SLC8A1: variants seen among roughly 807,000 people sequenced by gnomAD.
SLC8A1 encodes the protein sodium/calcium exchanger 1.
In SLC8A1, 18 loss-of-function variants were observed where a neutral mutation model predicts 68.3. The ratio of observed to expected loss-of-function variants is 0.26; its 90% CI spans 0.18 to 0.39. The LOEUF (loss-of-function observed/expected upper bound fraction) is 0.39. SLC8A1 is among the 10% of genes least tolerant of loss of function. The pLI is 1.00. For synonymous variants in SLC8A1, 475 were observed against 415.5 expected (o/e 1.14, Z -1.74); for missense variants, 985 against 1,156.7 (o/e 0.85, Z 2.15).
intron 1 of SLC8A1, among the ~76,000 whole-genome samples, chr2:40,493,047 C>T (rs1213885534): frequency 6.6e-6 from 1 of 152,110 alleles, no homozygotes; most frequent in Non-Finnish European, 1.5e-5. Flanking sequence ...CATGAACACT[C>T]ATGTTTATTG....
chr2:40,181,206 C>G (rs539449200), intron 2 of SLC8A1, among the ~76,000 whole-genome samples: 1 of 152,142 alleles, frequency 6.6e-6, no homozygotes, highest in Admixed American at 6.5e-5. Flanking sequence ...GCGATCCACC[C>G]GCCTTGGCCT....
At chr2:40,427,562 T>C (rs1576406558) in intron 2 of SLC8A1, among the ~76,000 whole-genome samples, 1 of 152,132 alleles carries the variant, frequency 6.6e-6, no homozygotes, top group East Asian at 1.9e-4. Flanking sequence ...TGGTTTGCTT[T>C]TGGTGAGTTG....
intron 2 of SLC8A1, among the ~76,000 whole-genome samples, chr2:40,306,309 T>A (rs1370583702): frequency 6.6e-6 from 1 of 152,152 alleles, no homozygotes; most frequent in Non-Finnish European, 1.5e-5. Flanking sequence ...CATAACAAGA[T>A]GGCAAGTTGA....
chr2:40,125,158 G>A (rs1161479551), intron 7 of SLC8A1, among the ~76,000 whole-genome samples: 1 of 152,144 alleles, frequency 6.6e-6, no homozygotes, highest in African/African-American at 2.4e-5. Context: ...GGAGTGAACG[G>A]CTGAATTTCA....
At chr2:40,155,951 C>T (rs941036303) in intron 6 of SLC8A1, among the ~76,000 whole-genome samples, 17 of 152,132 alleles carry the variant, frequency 1.1e-4, no homozygotes, top group Middle Eastern at 3.2e-3. Context: ...CTGGCATTCC[C>T]GAGATCCAAT....
intron 2 of SLC8A1, among the ~76,000 whole-genome samples, chr2:40,355,747 T>G (rs974752231): frequency 3.9e-5 from 6 of 152,108 alleles, no homozygotes; most frequent in Admixed American, 2.6e-4. Context: ...CATTCGAATG[T>G]CAGTATAAAC....
chr2:40,214,020 G>A (rs571976986), intron 2 of SLC8A1, among the ~76,000 whole-genome samples: 28 of 152,280 alleles, frequency 1.8e-4, no homozygotes, highest in African/African-American at 6.5e-4. Context: ...GAAAACCTAA[G>A]TGTGTAGCCA....
chr2:40,499,215 G>A (rs1264186473), intron 1 of SLC8A1, among the ~76,000 whole-genome samples: 3 of 152,028 alleles, frequency 2.0e-5, no homozygotes, highest in Admixed American at 6.6e-5. Context: ...TCTGTGCTGC[G>A]TTTGCTCACA....
exon 8 of SLC8A1, chr2:40,115,535 C>T (rs374472434): frequency 6.2e-7 from 1 of 1,614,068 alleles, no homozygotes; most frequent in African/African-American, 1.3e-5. Flanking sequence ...CACCGATTCC[C>T]AGGAAGACAT....
exon 8 of SLC8A1, chr2:40,115,316 G>T (rs1406767341): frequency 6.2e-7 from 1 of 1,614,022 alleles, no homozygotes; most frequent in Non-Finnish European, 8.5e-7. Context: ...AGAGCCATAG[G>T]AGCACAAAGA....
At chr2:40,329,204 C>T (rs962038724) in intron 2 of SLC8A1, among the ~76,000 whole-genome samples, 1 of 152,046 alleles carries the variant, frequency 6.6e-6, no homozygotes, top group Non-Finnish European at 1.5e-5. Context: ...ATTCTCTGGC[C>T]CATTGAAACC....
intron 3 of SLC8A1, 84 bp from the exon 5 acceptor site, chr2:40,174,926 C>G (rs1290860080): frequency 1.5e-6 from 2 of 1,307,324 alleles, no homozygotes; most frequent in East Asian, 4.6e-5. Context: ...GCCTGACAAC[C>G]CACCCAAGGT....
At chr2:40,512,321 A>C (rs1706794970) in intron 1 of SLC8A1, 2 of 152,312 alleles carry the variant, frequency 1.3e-5, no homozygotes, top group Non-Finnish European at 2.9e-5. Flanking sequence ...CCTTTATAGA[A>C]GTTCCATCAC....
At chr2:40,130,361 C>T (rs139787606) in intron 7 of SLC8A1, among the ~76,000 whole-genome samples, 2 of 152,340 alleles carry the variant, frequency 1.3e-5, no homozygotes, top group East Asian at 3.9e-4. Flanking sequence ...TTGCAGGCTT[C>T]CTTTAACTCT....
chr2:40,137,025 T>A (rs2040630677), intron 7 of SLC8A1, among the ~76,000 whole-genome samples: 1 of 152,102 alleles, frequency 6.6e-6, no homozygotes, highest in Non-Finnish European at 1.5e-5. Context: ...TGTTGTATTT[T>A]CCCCAAACAG....
At chr2:40,157,984 A>T (rs2044888986) in intron 6 of SLC8A1, among the ~76,000 whole-genome samples, 1 of 152,252 alleles carries the variant, frequency 6.6e-6, no homozygotes, top group Non-Finnish European at 1.5e-5. Flanking sequence ...GAAGATTGCC[A>T]CAGGGTTGAC....
intron 7 of SLC8A1, 58 bp downstream of exon 10, chr2:40,139,343 T>C: frequency 6.3e-7 from 1 of 1,581,488 alleles, no homozygotes; most frequent in Non-Finnish European, 8.6e-7. Context: ...AAAGAAAGTG[T>C]CAAGAAGGCA....
Position 40,170,310 on chromosome 2 carries a change from G to A in SLC8A1, c.1930+4515C>T, listed in dbSNP as rs776057619. On this transcript the variant is annotated intron_variant, in intron 4 of 7. Transcript: ENST00000406785. ...AATGGTGATTACAGTAGAGAGAATCGGATGTTCTCTAGCATGAACCTTCCT... is the reference window on the plus strand; with the variant it reads ...AATGGTGATTACAGTAGAGAGAATCAGATGTTCTCTAGCATGAACCTTCCT... 4.9e-5 allele frequency: 79 copies of A among 1,614,014 alleles called. 1 individual carries two copies. The South Asian group carries it at 5.9e-4, about 12-fold the overall frequency.
chr2:40,253,290 GTATATACACA>G (rs200943124), intron 2 of SLC8A1, among the ~76,000 whole-genome samples: 3,147 of 149,336 alleles, frequency 0.021, 125 homozygotes, highest in African/African-American at 0.069. Flanking sequence ...GTATATATGT[GTATATACACA>G]TATATACACA....
Sources: allele counts gnomAD v4.1 joint callset (sites outside exome capture counted in the v4.1 genomes callset), GRCh38; gene constraint gnomAD v4.1.1; transcripts MANE v1.5; gene names NCBI Gene and HGNC (gene_info 2026-07-23, HGNC 2026-07-21).